The following PTPRU variants were observed in gnomAD, a reference collection of about 807,000 sequenced individuals.
The protein encoded by PTPRU is receptor-type tyrosine-protein phosphatase U.
Under a neutral mutation model 166.3 loss-of-function variants are expected in PTPRU, and 69 were observed. The ratio of observed to expected loss-of-function variants is 0.41; its 90% CI spans 0.34 to 0.51. The LOEUF (loss-of-function observed/expected upper bound fraction) is 0.51. PTPRU is among the 20% of genes least tolerant of loss of function. The pLI, the probability that PTPRU is intolerant of heterozygous loss-of-function variation, is 0.09. For synonymous variants in PTPRU, 793 were observed against 814.0 expected, an observed-to-expected ratio of 0.97 and a Z score of 0.44; for missense variants, 1,657 against 2,013.7, an observed-to-expected ratio of 0.82 and a Z score of 3.39.
intron 1 of PTPRU, among the ~76,000 whole-genome samples, chr1:29,240,241 G>T (rs1435180775): frequency 1.3e-5 from 2 of 151,964 alleles, no homozygotes; most frequent in Non-Finnish European, 2.9e-5. Context: ...GGGGGGTGGG[G>T]GTCAATTGGA....
At chr1:29,310,130 G>A (rs1687580046) in intron 18 of PTPRU, among the ~76,000 whole-genome samples, 1 of 152,136 alleles carries the variant, frequency 6.6e-6, no homozygotes. Context: ...AGCACAGTAC[G>A]TGACCATAAC....
intron 8 of PTPRU, among the ~76,000 whole-genome samples, chr1:29,276,276 C>T (rs1016226743): frequency 2.0e-5 from 3 of 152,120 alleles, no homozygotes; most frequent in Non-Finnish European, 4.4e-5. Flanking sequence ...CCCACCTCAG[C>T]CTCCTGAGCT....
chr1:29,260,069 G>C lies in PTPRU; in HGVS notation c.850+25G>C, dbSNP rs573509826. ...GGTCAGCTGGTGGACGCCGGGGAGC[G>C]CCGGGACCTCACCCTCGAGGGGCGG... On this transcript the variant is annotated intron_variant, in intron 6 of 29. Transcript: ENST00000373779. The surrounding 1 kb of genome is among the most constrained non-coding windows in gnomAD (Gnocchi z 8.3). 1.5e-3 allele frequency: 2,042 copies of C among 1,382,350 alleles called. 2 individuals are homozygous for C. The highest frequency in any genetic ancestry group is 1.8e-3 in the Non-Finnish European group (1,895 of 1,072,406). The allele number at this position is 1,382,350 out of a possible 1,614,324, so 85.6% of individuals were successfully genotyped here.
chr1:29,320,855 C>T lies in PTPRU; in HGVS notation c.3828+30C>T. On this transcript the variant is annotated intron_variant, in intron 26 of 29. Transcript: ENST00000373779. This position sits in a 1 kb window ranked among gnomAD's most constrained non-coding sequence, Gnocchi z 5.2. ...GGCCTCCACTGGCCAGGCCAATGGG[C>T]CGCCTGCTCCCAGGTCCTCTGTGTA... is the stretch of plus-strand genomic sequence containing the variant. 1 of 1,519,804 alleles carries T rather than the reference C, an allele frequency of 6.6e-7. No individual in the cohort carries two copies. The highest frequency in any genetic ancestry group is 8.9e-7 in the Non-Finnish European group (1 of 1,125,614). The allele number at this position is 1,519,804 out of a possible 1,614,324, so 94.1% of individuals were successfully genotyped here.
intron 13 of PTPRU, 60 bp downstream of exon 13, chr1:29,284,036 G>A: frequency 6.2e-7 from 1 of 1,600,206 alleles, no homozygotes; most frequent in Non-Finnish European, 8.6e-7. Context: ...CCCAGCGCTG[G>A]GGAGGTGGAT....
intron 27 of PTPRU, 21 bp from the exon 28 acceptor site, chr1:29,323,610 G>C (rs1470765406): frequency 6.2e-7 from 1 of 1,613,540 alleles, no homozygotes; most frequent in Admixed American, 1.7e-5. Context: ...GTCCTCCCTG[G>C]CTGGCTGCCC....
At chr1:29,284,146 C>T (rs890325844) in intron 13 of PTPRU, among the ~76,000 whole-genome samples, 170 bp downstream of exon 13, 14 of 152,144 alleles carry the variant, frequency 9.2e-5, no homozygotes, top group Middle Eastern at 3.4e-3. Flanking sequence ...ACCTCAAGGG[C>T]GCCTTCTCCC....
chr1:29,253,507 G>C (rs1381733762), intron 1 of PTPRU, among the ~76,000 whole-genome samples: 1 of 152,100 alleles, frequency 6.6e-6, no homozygotes, highest in African/African-American at 2.4e-5. Flanking sequence ...GCCTGTTTCT[G>C]AGGCCTAAAG....
In PTPRU at chr1:29,320,654, A is replaced by C. The variant is rs994910782; in HGVS notation, c.3688-31A>C. On this transcript the variant is annotated intron_variant, in intron 25 of 29. Coordinates refer to ENST00000373779, the MANE Select transcript of PTPRU (RefSeq NM_133178.4). This position sits in a 1 kb window ranked among gnomAD's most constrained non-coding sequence, Gnocchi z 5.2. Reference sequence around the variant, plus strand: ...TCAGCCCAGGCCAGGGGCCGGGAACAGGGCCCTGCTGAGTTCCGGTTTCCC... The same window carrying C: ...TCAGCCCAGGCCAGGGGCCGGGAACCGGGCCCTGCTGAGTTCCGGTTTCCC... 6.5e-7 allele frequency: 1 copy of C among 1,535,924 alleles called. No homozygotes were observed. Among genetic ancestry groups the C allele is most frequent in the Non-Finnish European group, 8.8e-7 (1 of 1,131,644 alleles).
intron 22 of PTPRU, among the ~76,000 whole-genome samples, chr1:29,314,260 A>G (rs1687797157): frequency 6.6e-6 from 1 of 152,180 alleles, no homozygotes; most frequent in Non-Finnish European, 1.5e-5. Flanking sequence ...TCTGTGTGGT[A>G]TGTACGTAGG....
Position 29,262,369 on chromosome 1 carries a change from A to C in PTPRU, c.1144+1466A>C, listed in dbSNP as rs145522423. Among the ~76,000 whole-genome samples, 404 of 152,354 alleles carry C rather than the reference A, an allele frequency of 2.7e-3. 6 individuals are homozygous for C. The highest frequency in any genetic ancestry group is 0.024 in the Admixed American group (363 of 15,306). ...TAAAATGTACAGTTCAGTGGTTTTTAGTATACGGTAGTCCCCGTGTATCTG... is the reference window on the plus strand; with the variant it reads ...TAAAATGTACAGTTCAGTGGTTTTTCGTATACGGTAGTCCCCGTGTATCTG... On this transcript the variant is annotated intron_variant, in intron 7 of 29. Transcript: ENST00000373779.
At chr1:29,322,808 T>G (rs12563711) in intron 26 of PTPRU, among the ~76,000 whole-genome samples, 60,042 of 151,768 alleles carry the variant, frequency 0.4, 12,072 homozygotes, top group East Asian at 0.54. Flanking sequence ...TTGTGTGTGT[T>G]AGGTCATAGG....
chr1:29,278,671 C>A (rs1236581230), intron 8 of PTPRU, among the ~76,000 whole-genome samples: 1 of 152,212 alleles, frequency 6.6e-6, no homozygotes, highest in East Asian at 1.9e-4. Flanking sequence ...TTTCTGAAAA[C>A]TACCCAACTG....
intron 21 of PTPRU, among the ~76,000 whole-genome samples, 177 bp from the exon 22 acceptor site, chr1:29,312,375 C>G (rs1687704085): frequency 6.6e-6 from 1 of 152,144 alleles, no homozygotes; most frequent in Non-Finnish European, 1.5e-5. Context: ...CTCTTTGAGC[C>G]TTAGTTTTCT....
rs182996572 is a variant in PTPRU at position 29,238,978 on chromosome 1, T to C, written c.73+2261T>C. 1.9e-3 allele frequency among the ~76,000 whole-genome samples: 292 copies of C among 152,348 alleles called. 1 individual carries two copies. Among genetic ancestry groups the C allele is most frequent in the African/African-American group, 6.7e-3 (279 of 41,584 alleles). On this transcript the variant is annotated intron_variant, in intron 1 of 29. Coordinates refer to ENST00000373779, the MANE Select transcript of PTPRU (RefSeq NM_133178.4). The surrounding 1 kb of genome is among the most constrained non-coding windows in gnomAD (Gnocchi z 6.1). ...CTTTTGGTAGATACCAAGTACCTTG[T>C]AAAGTAAGGCTCTGTCTGTGAGTGC...
chr1:29,304,646 C>T, intron 16 of PTPRU, 128 bp from the exon 17 acceptor site: 1 of 637,078 alleles, frequency 1.6e-6, no homozygotes, highest in Non-Finnish European at 2.6e-6. Flanking sequence ...TTATCTCAGG[C>T]CCAAGTTCAG....
At chr1:29,292,398 C>T (rs919688017) in intron 15 of PTPRU, among the ~76,000 whole-genome samples, 2 of 152,154 alleles carry the variant, frequency 1.3e-5, no homozygotes, top group African/African-American at 4.8e-5. Flanking sequence ...CCTGGGCTTA[C>T]CTCTCCCTTT....
intron 13 of PTPRU, among the ~76,000 whole-genome samples, chr1:29,284,267 TC>T (rs1686239545): frequency 6.6e-6 from 1 of 152,068 alleles, no homozygotes; most frequent in Admixed American, 6.5e-5. Flanking sequence ...TGTCCGGCTT[TC>T]CTGTGGTGGG....
At chr1:29,241,673 C>T (rs1684063654) in intron 1 of PTPRU, among the ~76,000 whole-genome samples, 1 of 151,344 alleles carries the variant, frequency 6.6e-6, no homozygotes, top group Non-Finnish European at 1.5e-5. Flanking sequence ...TGGCTCATTG[C>T]AACCTCCGCC....
Sources: gnomAD v4.1 joint callset for allele counts (sites outside exome capture counted in the v4.1 genomes callset) on GRCh38, gnomAD v4.1.1 for gene constraint, Gnocchi (gnomAD v3.1) non-coding constraint, MANE v1.5 for transcripts, NCBI Gene and HGNC (gene_info 2026-07-23, HGNC 2026-07-21) for gene names.